ORAI2: variants seen among roughly 807,000 people sequenced by gnomAD.
ORAI2 encodes protein orai-2.
A neutral mutation model predicts 16.2 loss-of-function variants in ORAI2; 10 were observed. The ratio of observed to expected loss-of-function variants is 0.62; its 90% confidence interval spans 0.38 to 1.04. The LOEUF (loss-of-function observed/expected upper bound fraction) is 1.04. Ranked by LOEUF, ORAI2 falls within the 50% of genes least tolerant of loss-of-function variation. ORAI2 has a pLI of 0.01. For synonymous variants in ORAI2, 150 were observed against 157.5 expected (o/e 0.95, Z 0.35); for missense variants, 238 against 355.5 (o/e 0.67, Z 2.66).
In ORAI2 at chr7:102,452,432, G is replaced by A. The variant is rs564283386; in HGVS notation, c.*5380G>A. On this transcript the variant is annotated 3_prime_UTR_variant, in exon 4 of 4. Transcript: ENST00000495936. ...GTGTGAGCCAGCTTGCCCAGCTTAT[G>A]TTTATAGATTTATTTTAGAGACAGG... The A allele has an allele frequency of 6.6e-6, 1 of 150,548 alleles. No individual in the cohort carries two copies. The highest frequency in any genetic ancestry group is 1.5e-5 in the Non-Finnish European group (1 of 67,604). The allele number at this position is 150,548 out of a possible 1,614,324, so 9.3% of individuals were successfully genotyped here.
rs780272783 is a variant in ORAI2, at chr7:102,446,627, A to G, written c.340A>G (p.Ile114Val). 1.2e-6 allele frequency: 2 copies of G among 1,614,020 alleles called. No homozygotes were observed. Among genetic ancestry groups the G allele is most frequent in the Non-Finnish European group, 1.7e-6 (2 of 1,180,018 alleles). The change falls in exon 4 of 4, where the codon ATC (isoleucine) becomes GTC (valine). Residue 114 changes from isoleucine (I) to valine (V), a missense_variant. Physicochemically the swap from Ile to Val is conservative, Grantham distance 29. Around this residue, in one of 3 missense-constraint regions of ORAI2, gnomAD observed 176 missense variants for 265.9 expected, o/e 0.66. Coordinates refer to ENST00000495936, the MANE Select transcript of ORAI2 (RefSeq NM_001126340.3). ...LVAVHLFALL[I>V]STCILPNVEA... is the part of the protein sequence containing the mutation. ...GGCCGTGCACCTGTTCGCCCTCCTC[A>G]TCAGCACCTGCATCCTGCCCAATGT...
chr7:102,434,937 C>T (rs750775912), intron 1 of ORAI2, among the ~76,000 whole-genome samples: 3 of 152,198 alleles, frequency 2.0e-5, no homozygotes, highest in African/African-American at 4.8e-5. Context: ...TCCATGCAGG[C>T]AGCATCTTGT....
intron 3 of ORAI2, among the ~76,000 whole-genome samples, 177 bp downstream of exon 3, chr7:102,439,358 G>C (rs377065329): frequency 1.3e-5 from 2 of 152,216 alleles, no homozygotes; most frequent in Non-Finnish European, 2.9e-5. Flanking sequence ...CAGTGCGAGT[G>C]GGGGCGCTGG....
At chr7:102,439,638 C>T (rs142543068) in intron 3 of ORAI2, among the ~76,000 whole-genome samples, 2 of 152,088 alleles carry the variant, frequency 1.3e-5, no homozygotes, top group East Asian at 3.9e-4. Context: ...GTGGCGTGCA[C>T]CTATAGCCCC....
chr7:102,438,983 C>G lies in ORAI2; in HGVS notation c.27C>G (p.Ile9Met). 6.2e-7 allele frequency: 1 copy of G among 1,613,964 alleles called. No individual in the cohort carries two copies. Among genetic ancestry groups the G allele is most frequent in the South Asian group, 1.1e-5 (1 of 91,068 alleles). ...TGAGTGCTGAGCTTAACGTGCCTAT[C>G]GACCCCTCTGCTCCTGCCTGCCCTG... MSAELNVP[I>M]DPSAPACPEP... Residue 9 changes from isoleucine (I) to methionine (M), a missense_variant, in exon 3 of 4, where the codon ATC (isoleucine) becomes ATG (methionine). Ile to Met is a conservative substitution (Grantham distance 10). Transcript: ENST00000495936.
chr7:102,447,380 CG>C lies in ORAI2; in HGVS notation c.*333del. 6.6e-6 allele frequency: 2 copies of C among 305,238 alleles called. No homozygotes were observed. Among genetic ancestry groups the C allele is most frequent in the Non-Finnish European group, 1.2e-5 (2 of 163,932 alleles). The allele number at this position is 305,238 out of a possible 1,614,324, so 18.9% of individuals were successfully genotyped here. On this transcript the variant is annotated 3_prime_UTR_variant, in exon 4 of 4. Coordinates refer to ENST00000495936, the MANE Select transcript of ORAI2 (RefSeq NM_001126340.3). ...GGGCTCCAAGCAGCACCCAGCGGTC[CG>C]GGGGAGTCTCAGACCCGGCATGCGT...
intron 1 of ORAI2, among the ~76,000 whole-genome samples, chr7:102,435,482 C>T (rs1202727445): frequency 6.6e-6 from 1 of 151,800 alleles, no homozygotes; most frequent in Non-Finnish European, 1.5e-5. Flanking sequence ...CAGTCCTCTG[C>T]TCCCTGCCCT....
rs1252504818 is a variant in ORAI2, at chr7:102,449,123, G to C, written c.*2071G>C. ...AAAGTTGTGGCATCCCCGGGGGCCG[G>C]AGAAGAGCCCCGTGTCTTCTGAGGG... On this transcript the variant is annotated 3_prime_UTR_variant, in exon 4 of 4. Coordinates refer to ENST00000495936, the MANE Select transcript of ORAI2 (RefSeq NM_001126340.3). The C allele has an allele frequency of 1.3e-5, 2 of 152,184 alleles. No individual in the cohort carries two copies. The highest frequency in any genetic ancestry group is 2.9e-5 in the Non-Finnish European group (2 of 68,038). 9.4% of individuals were successfully genotyped at this position (152,184 alleles called of 1,614,324 possible).
intron 3 of ORAI2, among the ~76,000 whole-genome samples, chr7:102,443,230 G>A (rs577910346): frequency 5.4e-5 from 8 of 147,114 alleles, no homozygotes; most frequent in Non-Finnish European, 1.2e-4. Context: ...TTCCCAAAGT[G>A]CTGAGATCAC....
intron 3 of ORAI2, among the ~76,000 whole-genome samples, chr7:102,443,733 G>C (rs777961914): frequency 2.0e-4 from 31 of 151,452 alleles, no homozygotes; most frequent in Admixed American, 7.2e-4. Flanking sequence ...TTGAGATGTA[G>C]TCTCGCTCTG....
intron 3 of ORAI2, among the ~76,000 whole-genome samples, chr7:102,440,352 C>G (rs1797164337): frequency 6.6e-6 from 1 of 152,160 alleles, no homozygotes; most frequent in Non-Finnish European, 1.5e-5. Flanking sequence ...CCTTCTGAGT[C>G]ATCCCCTAGG....
chr7:102,447,256 G>T lies in ORAI2; in HGVS notation c.*204G>T. 1 of 644,984 alleles carries T rather than the reference G, an allele frequency of 1.6e-6. No individual in the cohort carries two copies. Among genetic ancestry groups the T allele is most frequent in the Non-Finnish European group, 2.5e-6 (1 of 392,224 alleles). 40.0% of individuals were successfully genotyped at this position (644,984 alleles called of 1,614,324 possible). On this transcript the variant is annotated 3_prime_UTR_variant, in exon 4 of 4. Transcript: ENST00000495936. ...GGGACTGTGTTGCTAAGAGCGTTGG[G>T]GGCAAAGCCAGGCTGGTTCCTTGGC...
rs1797485766 is a variant in ORAI2 at position 102,450,198 on chromosome 7, A to G, written c.*3146A>G. The G allele has an allele frequency of 7.2e-6, 1 of 138,782 alleles. No individual in the cohort carries two copies. Among genetic ancestry groups the G allele is most frequent in the Admixed American group, 7.1e-5 (1 of 14,006 alleles). The allele number at this position is 138,782 out of a possible 1,614,324, so 8.6% of individuals were successfully genotyped here. On this transcript the variant is annotated 3_prime_UTR_variant, in exon 4 of 4. Transcript: ENST00000495936. ...GGTGACAGAGTGAGACCCTGTCTCT[A>G]AAAAAAAAAAAAAGAAAATAAAGAA...
intron 3 of ORAI2, among the ~76,000 whole-genome samples, chr7:102,443,668 T>C (rs1797273746): frequency 6.6e-6 from 1 of 152,062 alleles, no homozygotes; most frequent in Non-Finnish European, 1.5e-5. Context: ...GTATTACTGC[T>C]GAGTTGTTTT....
chr7:102,454,521 C>T lies in ORAI2; in HGVS notation c.*7469C>T, dbSNP rs1344726107. Reference sequence around the variant, plus strand: ...AATGGGCTTTGCATGGAGCTTGGCTCCTGTCCCTGCCTGTGAGGGAGGACC... The same window carrying T: ...AATGGGCTTTGCATGGAGCTTGGCTTCTGTCCCTGCCTGTGAGGGAGGACC... On this transcript the variant is annotated 3_prime_UTR_variant, in exon 4 of 4. Coordinates refer to ENST00000495936, the MANE Select transcript of ORAI2 (RefSeq NM_001126340.3). 6.5e-6 allele frequency: 1 copy of T among 153,296 alleles called. No homozygotes were observed. The highest frequency in any genetic ancestry group is 1.5e-5 in the Non-Finnish European group (1 of 68,074). 9.5% of individuals were successfully genotyped at this position (153,296 alleles called of 1,614,324 possible).
intron 2 of ORAI2, among the ~76,000 whole-genome samples, chr7:102,438,636 G>A (rs749522481): frequency 5.9e-5 from 9 of 152,138 alleles, no homozygotes; most frequent in South Asian, 2.1e-4. Context: ...TTAGCCAGGC[G>A]TGGTGGCGGA....
Position 102,446,777 on chromosome 7 carries a change from G to A in ORAI2, c.490G>A (p.Glu164Lys), listed in dbSNP as rs1458135670. The A allele has an allele frequency of 6.8e-6, 11 of 1,614,128 alleles. No individual in the cohort carries two copies. The highest frequency in any genetic ancestry group is 1.3e-5 in the African/African-American group (1 of 75,050). ...TVLGILLFLA[E>K]VVLLCWIKFL... The stretch of plus-strand genomic sequence containing the variant: ...GCTTGGCATCCTACTCTTCCTGGCC[G>A]AGGTGGTGCTGCTCTGCTGGATCAA... The change falls in exon 4 of 4, where the codon GAG becomes AAG. Residue 164 changes from glutamate to lysine, a missense_variant. Glu to Lys is a moderately conservative substitution (Grantham distance 56). Coordinates refer to ENST00000495936, the MANE Select transcript of ORAI2 (RefSeq NM_001126340.3).
At chr7:102,437,772 C>T (rs528321222) in intron 2 of ORAI2, among the ~76,000 whole-genome samples, 11 of 152,220 alleles carry the variant, frequency 7.2e-5, no homozygotes, top group East Asian at 1.9e-4. Flanking sequence ...GAGGTGAGGC[C>T]GGGTGCAGTG....
Position 102,447,299 on chromosome 7 carries a change from C to G in ORAI2, c.*247C>G. ...TCCTTGGCCTCGGGGTTTCCTGGGT[C>G]GGGGACACGGTGAAGAGGCTCCAGC... On this transcript the variant is annotated 3_prime_UTR_variant, in exon 4 of 4. Coordinates refer to ENST00000495936, the MANE Select transcript of ORAI2 (RefSeq NM_001126340.3). 1 of 521,924 alleles carries G rather than the reference C, an allele frequency of 1.9e-6. No homozygotes were observed. Among genetic ancestry groups the G allele is most frequent in the Middle Eastern group, 5.2e-4 (1 of 1,936 alleles). The allele number at this position is 521,924 out of a possible 1,614,324, so 32.3% of individuals were successfully genotyped here.
Sources: gnomAD v4.1 joint callset for allele counts (sites outside exome capture counted in the v4.1 genomes callset) on GRCh38, gnomAD v4.1.1 for gene constraint, gnomAD v4.1.1 regional missense constraint, MANE v1.5 for transcripts, NCBI Gene and HGNC (gene_info 2026-07-23, HGNC 2026-07-21) for gene names.